The following CYTH1 variants were observed in gnomAD, a reference collection of about 807,000 sequenced individuals.
The protein encoded by CYTH1 is cytohesin-1.
Under a neutral mutation model 61.8 loss-of-function variants are expected in CYTH1, and 18 were observed. The observed-to-expected ratio is 0.29, with a 90% CI of 0.20 to 0.43. The LOEUF (loss-of-function observed/expected upper bound fraction) is 0.43, where lower values mean the gene tolerates loss of function less well. CYTH1 is among the 20% of genes least tolerant of loss of function. CYTH1 has a pLI of 1.00. For missense variants in CYTH1, 336 were observed against 510.5 expected, an observed-to-expected ratio of 0.66 and a Z score of 3.29; for synonymous variants, 174 against 184.3, an observed-to-expected ratio of 0.94 and a Z score of 0.45.
intron 1 of CYTH1, among the ~76,000 whole-genome samples, chr17:78,713,525 G>A (rs1009427605): frequency 1.3e-5 from 2 of 152,254 alleles, no homozygotes; most frequent in Admixed American, 6.5e-5. Context: ...ATGAAAAACA[G>A]AGCAATCGTA....
Position 78,700,515 on chromosome 17 carries a change from C to G in CYTH1, c.438-72G>C. 1 of 1,173,244 alleles carries G rather than the reference C, an allele frequency of 8.5e-7. No individual in the cohort carries two copies. 72.7% of individuals were successfully genotyped at this position (1,173,244 alleles called of 1,614,324 possible). ...ATTTCTCTATGAATTGTTAAACTGC[C>G]AATGATTTTTTTTTTCTTTTTTTTT... On this transcript the variant is annotated intron_variant, in intron 6 of 13. Coordinates refer to ENST00000446868, the MANE Select transcript of CYTH1 (RefSeq NM_004762.6). This position sits in a 1 kb window ranked among gnomAD's most constrained non-coding sequence, Gnocchi z 5.1.
At chr17:78,755,298 C>G (rs974688326) in intron 1 of CYTH1, among the ~76,000 whole-genome samples, 3 of 152,078 alleles carry the variant, frequency 2.0e-5, no homozygotes, top group Non-Finnish European at 2.9e-5. Flanking sequence ...GCCTCCACCT[C>G]CAGAGTAGCT....
rs1379106045 is a variant in CYTH1 at position 78,699,032 on chromosome 17, C to T, written c.551-64G>A. On this transcript the variant is annotated intron_variant, in intron 7 of 13. Transcript: ENST00000446868. ...CTCAGATGTTCAGAAACATCCCACC[C>T]GCAAGAGCAAGAGTGGTATCAGATG... is the stretch of plus-strand genomic sequence containing the variant. 4.5e-6 allele frequency: 7 copies of T among 1,569,936 alleles called. No individual in the cohort carries two copies. In the Admixed American group the frequency reaches 7.5e-5, roughly 17 times the overall value.
chr17:78,741,654 C>A (rs2093342426), intron 1 of CYTH1, among the ~76,000 whole-genome samples: 1 of 152,174 alleles, frequency 6.6e-6, no homozygotes, highest in Non-Finnish European at 1.5e-5. Flanking sequence ...CATCATACTG[C>A]TGCTAAAAGT....
chr17:78,760,384 T>TAC (rs1555615252), intron 1 of CYTH1, among the ~76,000 whole-genome samples: 6,260 of 51,186 alleles, frequency 0.12, 884 homozygotes, highest in East Asian at 0.22. Context: ...TATATATATA[T>TAC]ACACACACAT....
At position 78,700,188 on chromosome 17, in the gene CYTH1, C is replaced by T; in HGVS notation, c.550+143G>A. On this transcript the variant is annotated intron_variant, in intron 7 of 13. Coordinates refer to ENST00000446868, the MANE Select transcript of CYTH1 (RefSeq NM_004762.6). This position sits in a 1 kb window ranked among gnomAD's most constrained non-coding sequence, Gnocchi z 5.1. ...TAATGTCAGACTTTCAGGTTATTTC[C>T]AACATTTTACTATTATAACTATCAT... The T allele has an allele frequency of 4.2e-6, 3 of 712,770 alleles. No homozygotes were observed. The highest frequency in any genetic ancestry group is 3.5e-5 in the Admixed American group (1 of 28,652). The allele number at this position is 712,770 out of a possible 1,614,324, so 44.2% of individuals were successfully genotyped here.
At chr17:78,686,371 T>G in intron 11 of CYTH1, among the ~76,000 whole-genome samples, 1 of 152,228 alleles carries the variant, frequency 6.6e-6, no homozygotes, top group East Asian at 1.9e-4. Context: ...TCTCACTTGT[T>G]TGAAGACGGA....
rs2092919789 is a variant in CYTH1, at chr17:78,694,540, TA to T, written c.814+1466del. Among the ~76,000 whole-genome samples the T allele has an allele frequency of 2.0e-5, 3 of 152,086 alleles. No individual in the cohort carries two copies. In the South Asian group the frequency reaches 6.2e-4, roughly 32 times the overall value. On this transcript the variant is annotated intron_variant, in intron 10 of 13. Transcript: ENST00000446868. ...TTCAGGATTGAAGCCAATTTGTTCTTAAAAAGGAACCCCCTCCACCAATTCA... is the reference window on the plus strand; with the variant it reads ...TTCAGGATTGAAGCCAATTTGTTCTTAAAAGGAACCCCCTCCACCAATTCA...
chr17:78,752,690 A>G (rs1035140897), intron 1 of CYTH1, among the ~76,000 whole-genome samples: 2 of 152,168 alleles, frequency 1.3e-5, no homozygotes, highest in Non-Finnish European at 2.9e-5. Flanking sequence ...CAGCCTCCCA[A>G]TGTGCTGAGA....
rs940707643 is a variant in CYTH1 at position 78,680,133 on chromosome 17, C to T, written c.1118+57G>A. ...TGTTTAACCACTAAGATGATCAACA[C>T]CTGGTGAGGTGAGGGCTGCACCAGG... is the stretch of plus-strand genomic sequence containing the variant. On this transcript the variant is annotated intron_variant, in intron 13 of 13. Coordinates refer to ENST00000446868, the MANE Select transcript of CYTH1 (RefSeq NM_004762.6). 2.5e-6 allele frequency: 4 copies of T among 1,598,998 alleles called. No individual in the cohort carries two copies. The African/African-American group carries it at 5.4e-5, about 21-fold the overall frequency.
intron 1 of CYTH1, among the ~76,000 whole-genome samples, chr17:78,754,263 C>T (rs1210931678): frequency 6.6e-6 from 1 of 152,196 alleles, no homozygotes; most frequent in Non-Finnish European, 1.5e-5. Flanking sequence ...CGCAGATTTG[C>T]CCACCCATAA....
intron 1 of CYTH1, among the ~76,000 whole-genome samples, chr17:78,733,366 T>TA (rs1432555277): frequency 6.6e-6 from 1 of 152,190 alleles, no homozygotes; most frequent in Non-Finnish European, 1.5e-5. Flanking sequence ...ACAGGTAAGA[T>TA]AAAGACTCAA....
At chr17:78,711,356 CAAAGG>C (rs1044706935) in intron 1 of CYTH1, among the ~76,000 whole-genome samples, 5 of 150,270 alleles carry the variant, frequency 3.3e-5, no homozygotes, top group Non-Finnish European at 7.4e-5. Context: ...TCTATAAAAA[CAAAGG>C]AAAATGACTT....
At chr17:78,782,152 G>A (rs903675607) in intron 1 of CYTH1, 50 bp downstream of exon 1, 2 of 1,298,210 alleles carry the variant, frequency 1.5e-6, no homozygotes, top group East Asian at 3.5e-5. Flanking sequence ...GGGCCCGGAG[G>A]GGACTGGGGG....
At position 78,675,731 on chromosome 17, in the gene CYTH1, AG is replaced by A; in HGVS notation, c.*359del. ...ATATGGACACATGTATTTATGGTGC[AG>A]GGTTTGAAGGCTTCTTCACGGGGAC... is the stretch of plus-strand genomic sequence containing the variant. On this transcript the variant is annotated 3_prime_UTR_variant, in exon 14 of 14. Transcript: ENST00000446868. The A allele has an allele frequency of 3.5e-6, 2 of 572,430 alleles. No individual in the cohort carries two copies. Among genetic ancestry groups the A allele is most frequent in the East Asian group, 6.1e-5 (2 of 32,718 alleles). The allele number at this position is 572,430 out of a possible 1,614,324, so 35.5% of individuals were successfully genotyped here. A position where few individuals can be genotyped will look rare whatever the true frequency, so the allele number is the denominator to read the frequency against.
intron 12 of CYTH1, 38 bp from the exon 13 acceptor site, chr17:78,680,382 G>A (rs753113654): frequency 6.3e-7 from 1 of 1,579,738 alleles, no homozygotes; most frequent in Non-Finnish European, 8.6e-7. Flanking sequence ...GTGGAGCAAA[G>A]GAAGCTGTTA....
At chr17:78,703,129 G>T (rs2093030252) in intron 3 of CYTH1, among the ~76,000 whole-genome samples, 1 of 151,302 alleles carries the variant, frequency 6.6e-6, no homozygotes, top group Non-Finnish European at 1.5e-5. Flanking sequence ...CTTTATCAGG[G>T]TAGGCCGGGC....
At chr17:78,713,770 A>T (rs1175064669) in intron 1 of CYTH1, among the ~76,000 whole-genome samples, 1 of 150,442 alleles carries the variant, frequency 6.6e-6, no homozygotes, top group East Asian at 1.9e-4. Flanking sequence ...ATCGTATAAA[A>T]GAAATCCCTA....
rs566443784 is a variant in CYTH1 at position 78,747,954 on chromosome 17, G to A, written c.22+34248C>T. ...TTTTGGCCCTTGAGCCCCTATGCTC[G>A]GGTCCACTCTCACACTGTGGAGTGT... is the stretch of plus-strand genomic sequence containing the variant. On this transcript the variant is annotated intron_variant, in intron 1 of 13. Coordinates refer to ENST00000446868, the MANE Select transcript of CYTH1 (RefSeq NM_004762.6). Among the ~76,000 whole-genome samples, 27 of 151,780 alleles carry A rather than the reference G, an allele frequency of 1.8e-4. No homozygotes were observed. The South Asian group carries it at 5.6e-3, about 32-fold the overall frequency.
Sources: gnomAD v4.1 joint callset for allele counts (sites outside exome capture counted in the v4.1 genomes callset) on GRCh38, gnomAD v4.1.1 for gene constraint, Gnocchi (gnomAD v3.1) non-coding constraint, MANE v1.5 for transcripts, NCBI Gene and HGNC (gene_info 2026-07-23, HGNC 2026-07-21) for gene names.